The following PLB1 variants were observed in gnomAD, a reference collection of about 807,000 sequenced individuals.
The protein encoded by PLB1 is phospholipase B1, membrane-associated.
In PLB1, 242 loss-of-function variants were observed where a neutral mutation model predicts 227.4. The ratio of observed to expected loss-of-function variants is 1.06; its 90% CI spans 0.96 to 1.18. The LOEUF (loss-of-function observed/expected upper bound fraction) is 1.18, where lower values mean the gene tolerates loss of function less well. Ranked by LOEUF, PLB1 falls within the 50% of genes most tolerant of loss-of-function variation. PLB1 has a pLI of 0.00. For missense variants in PLB1, 1,858 were observed against 1,816.3 expected (o/e 1.02, Z -0.42); for synonymous variants, 757 against 682.2 (o/e 1.11, Z -1.71).
chr2:28,541,333 A>G (rs539987101), intron 12 of PLB1, among the ~76,000 whole-genome samples: 1 of 152,336 alleles, frequency 6.6e-6, no homozygotes, highest in Non-Finnish European at 1.5e-5. Context: ...GTTGCATGGT[A>G]TCTCTCTCGC....
intron 26 of PLB1, 86 bp downstream of exon 26, chr2:28,585,928 A>G (rs1159066658): frequency 7.9e-7 from 1 of 1,268,218 alleles, no homozygotes; most frequent in Non-Finnish European, 1.2e-6. Flanking sequence ...TGCTTAGGTA[A>G]TTTTGACCCT....
At chr2:28,633,099 T>C (rs1688869640) in intron 56 of PLB1, 60 bp downstream of exon 56, 2 of 1,426,216 alleles carry the variant, frequency 1.4e-6, no homozygotes, top group Non-Finnish European at 2.0e-6. Context: ...ATTGACACTC[T>C]GTCTCACAAT....
chr2:28,505,603 CATTG>C (rs1667556383), intron 1 of PLB1, among the ~76,000 whole-genome samples: 1 of 152,216 alleles, frequency 6.6e-6, no homozygotes, highest in East Asian at 1.9e-4. Context: ...TGGGTGAACT[CATTG>C]AGTGAGAAAA....
chr2:28,540,507 G>C (rs11127162), intron 12 of PLB1, 66 bp downstream of exon 12: 5 of 1,323,918 alleles, frequency 3.8e-6, no homozygotes, highest in African/African-American at 2.9e-5. Context: ...AGGAGAACAG[G>C]AGTGATAGGG....
At chr2:28,639,981 T>C (rs982879853) in intron 56 of PLB1, among the ~76,000 whole-genome samples, 2 of 152,142 alleles carry the variant, frequency 1.3e-5, no homozygotes, top group Admixed American at 1.3e-4. Flanking sequence ...GTGCTCAGTC[T>C]AGTCACCCTA....
Position 28,632,939 on chromosome 2 carries a change from T to A in PLB1, c.4003-5T>A. 7 of 1,603,260 alleles carry A rather than the reference T, an allele frequency of 4.4e-6. No individual in the cohort carries two copies. The highest frequency in any genetic ancestry group is 5.9e-6 in the Non-Finnish European group (7 of 1,178,428). On this transcript the variant is annotated splice_region_variant and splice_polypyrimidine_tract_variant and intron_variant, in intron 55 of 57. Coordinates refer to ENST00000327757, the MANE Select transcript of PLB1 (RefSeq NM_153021.5). ...GGATGATAACCTCCTTGCCGTTGGT[T>A]GCAGAGAGGGGACACTGACCTCACC...
At chr2:28,579,783 G>T in intron 23 of PLB1, 76 bp downstream of exon 23, 3 of 1,268,296 alleles carry the variant, frequency 2.4e-6, no homozygotes, top group East Asian at 2.3e-5. Context: ...GCTCTGCCCG[G>T]GAGGAGTACA....
At chr2:28,633,935 A>G (rs6719289) in intron 56 of PLB1, among the ~76,000 whole-genome samples, 49,303 of 151,990 alleles carry the variant, frequency 0.32, 8,103 homozygotes, top group Non-Finnish European at 0.36. Context: ...TTTCAGGCCC[A>G]TAGTGTCTCT....
chr2:28,636,876 G>A (rs943853585), intron 56 of PLB1, among the ~76,000 whole-genome samples: 1 of 152,144 alleles, frequency 6.6e-6, no homozygotes, highest in Non-Finnish European at 1.5e-5. Context: ...AGGTGGAAAG[G>A]GGCTTTTGAG....
At chr2:28,602,062 G>A in intron 38 of PLB1, 98 bp downstream of exon 38, 2 of 1,218,592 alleles carry the variant, frequency 1.6e-6, no homozygotes, top group South Asian at 1.2e-5. Context: ...TTTCTCTCAA[G>A]GAGACAGCCA....
rs1382099906 is a variant in PLB1 at position 28,548,879 on chromosome 2, A to C, written c.956A>C (p.Lys319Thr). 5 of 1,614,034 alleles carry C rather than the reference A, an allele frequency of 3.1e-6. No homozygotes were observed. Among genetic ancestry groups the C allele is most frequent in the Non-Finnish European group, 4.2e-6 (5 of 1,179,996 alleles). The change falls in exon 15 of 58, where the codon AAA becomes ACA. Residue 319 changes from lysine (K) to threonine (T), a missense_variant. Physicochemically the swap from Lys to Thr is moderately conservative, Grantham distance 78 (BLOSUM62 -1). Transcript: ENST00000327757. The part of the protein sequence containing the change: ...WNRMMEPAGE[K>T]DEPLSVKHGR... ...TTCTAGATGGAGCCAGCAGGAGAGA[A>C]AGATGAGCCATTGAGTGTAAAACAC... is the stretch of plus-strand genomic sequence containing the variant.
At chr2:28,597,220 C>T (rs1303735572) in intron 33 of PLB1, among the ~76,000 whole-genome samples, 1 of 146,180 alleles carries the variant, frequency 6.8e-6, no homozygotes, top group Non-Finnish European at 1.5e-5. Flanking sequence ...GTGGAGATCA[C>T]ACCACTGCAC....
chr2:28,571,701 CTT>C (rs1351556145), intron 20 of PLB1, among the ~76,000 whole-genome samples: 1 of 152,076 alleles, frequency 6.6e-6, no homozygotes, highest in Non-Finnish European at 1.5e-5. Context: ...AAAGAATCGT[CTT>C]TTCAATAAAC....
At chr2:28,602,507 G>A (rs1431198854) in intron 38 of PLB1, among the ~76,000 whole-genome samples, 2 of 152,234 alleles carry the variant, frequency 1.3e-5, no homozygotes, top group Admixed American at 6.5e-5. Context: ...GGAAGAGGTT[G>A]CCTATCTCAC....
At chr2:28,597,558 G>A (rs1683165626) in intron 33 of PLB1, among the ~76,000 whole-genome samples, 1 of 152,204 alleles carries the variant, frequency 6.6e-6, no homozygotes, top group African/African-American at 2.4e-5. Flanking sequence ...CTGCTGAGCA[G>A]AGAAGAGCTT....
chr2:28,600,952 G>A, intron 36 of PLB1, 92 bp downstream of exon 36: 2 of 1,193,058 alleles, frequency 1.7e-6, no homozygotes, highest in Non-Finnish European at 2.4e-6. Flanking sequence ...AAAGCAGTGA[G>A]CCCCATGTTA....
intron 6 of PLB1, among the ~76,000 whole-genome samples, chr2:28,527,568 G>A (rs570137923): frequency 3.5e-4 from 53 of 152,248 alleles, no homozygotes; most frequent in African/African-American, 1.1e-3. Flanking sequence ...CCATGCCCTC[G>A]CCCACCATGG....
In PLB1 at chr2:28,602,187, C is replaced by T. The variant is rs564032794; in HGVS notation, c.2673+223C>T. Among the ~76,000 whole-genome samples the T allele has an allele frequency of 3.2e-4, 49 of 152,354 alleles. No individual in the cohort carries two copies. The South Asian group carries it at 9.3e-3, about 29-fold the overall frequency. ...TCTGAAGGAGGGAAGGCTGTTCCCTCACCACTACATGGGACACTCCTTGGT... is the reference window on the plus strand; with the variant it reads ...TCTGAAGGAGGGAAGGCTGTTCCCTTACCACTACATGGGACACTCCTTGGT... On this transcript the variant is annotated intron_variant, in intron 38 of 57. Transcript: ENST00000327757.
At position 28,578,121 on chromosome 2, in the gene PLB1, AG is replaced by A; in HGVS notation, c.1450del (p.Ala484ProfsTer7). 6.2e-7 allele frequency: 1 copy of A among 1,614,134 alleles called. No individual in the cohort carries two copies. The highest frequency in any genetic ancestry group is 8.5e-7 in the Non-Finnish European group (1 of 1,179,992). On this transcript the variant is annotated frameshift_variant, in exon 22 of 58. Transcript: ENST00000327757. LOFTEE classifies it high-confidence loss of function. ...TGTTTCCACAGGGATCTACCTGTCC[AG>A]GCCAGGAGGCTGGTGGACCTGATGA... ...AGGRAEDLPV[Q>X]ARRLVDLMKN...
Sources: gnomAD v4.1 joint callset for allele counts (sites outside exome capture counted in the v4.1 genomes callset) on GRCh38, gnomAD v4.1.1 for gene constraint, MANE v1.5 for transcripts, NCBI Gene and HGNC (gene_info 2026-07-23, HGNC 2026-07-21) for gene names.